CCSER1: variants seen among roughly 807,000 people sequenced by gnomAD.
CCSER1 encodes the protein serine-rich coiled-coil domain-containing protein 1.
In CCSER1, 41 loss-of-function variants were observed where a neutral mutation model predicts 82.0. That is an observed-to-expected ratio of 0.50 (90% confidence interval 0.39 to 0.65). The LOEUF (loss-of-function observed/expected upper bound fraction) is 0.65, where lower values mean the gene tolerates loss of function less well. CCSER1 is among the 30% of genes least tolerant of loss of function. The probability of loss-of-function intolerance (pLI) is 0.00; values close to 1 mark genes in which losing one functional copy is unlikely to be tolerated. For synonymous variants in CCSER1, 414 were observed against 383.9 expected, an observed-to-expected ratio of 1.08 and a Z score of -0.92; for missense variants, 1,119 against 1,064.2, an observed-to-expected ratio of 1.05 and a Z score of -0.72.
intron 3 of CCSER1, among the ~76,000 whole-genome samples, chr4:90,329,338 T>G (rs921119038): frequency 1.3e-5 from 2 of 152,148 alleles, no homozygotes; most frequent in Non-Finnish European, 2.9e-5. Context: ...TAATATAGTT[T>G]ATGTGAAAAG....
At chr4:91,529,258 G>T (rs1560740803) in intron 10 of CCSER1, among the ~76,000 whole-genome samples, 1 of 151,760 alleles carries the variant, frequency 6.6e-6, no homozygotes, top group African/African-American at 2.4e-5. Flanking sequence ...ATTATAGAGG[G>T]GCATTTATTT....
chr4:91,208,833 TC>T, intron 10 of CCSER1, among the ~76,000 whole-genome samples: 1 of 152,138 alleles, frequency 6.6e-6, no homozygotes, highest in East Asian at 1.9e-4. Flanking sequence ...TATTGATTCT[TC>T]CTATCAATGA....
intron 10 of CCSER1, among the ~76,000 whole-genome samples, chr4:91,437,647 G>A (rs1282692544): frequency 7.2e-5 from 11 of 152,288 alleles, no homozygotes; most frequent in South Asian, 2.1e-4. Flanking sequence ...TGGGTGCAGC[G>A]CACCCTGCGC....
chr4:91,290,887 C>A (rs1223621616), intron 10 of CCSER1, among the ~76,000 whole-genome samples: 12 of 151,716 alleles, frequency 7.9e-5, no homozygotes, highest in Non-Finnish European at 1.8e-4. Context: ...ATGTTGTGGG[C>A]TAATCCTAAA....
chr4:91,502,441 A>G lies in CCSER1; in HGVS notation c.2218-96131A>G, dbSNP rs565609262. Among the ~76,000 whole-genome samples, 23 of 152,304 alleles carry G rather than the reference A, an allele frequency of 1.5e-4. No homozygotes were observed. In the South Asian group the frequency reaches 1.9e-3, roughly 12 times the overall value. ...ATTAAATCAAACATATTCTTGGCAT[A>G]TAATAATAATATCATCAACAACAAG... On this transcript the variant is annotated intron_variant, in intron 10 of 10. Transcript: ENST00000509176.
At chr4:90,143,181 A>G (rs1376900382) in intron 1 of CCSER1, among the ~76,000 whole-genome samples, 2 of 152,108 alleles carry the variant, frequency 1.3e-5, no homozygotes, top group Admixed American at 6.5e-5. Context: ...TACTGCAAAC[A>G]TCAGTTCCAG....
chr4:90,623,707 T>C (rs1722775947), intron 5 of CCSER1, among the ~76,000 whole-genome samples: 1 of 152,148 alleles, frequency 6.6e-6, no homozygotes, highest in South Asian at 2.1e-4. Flanking sequence ...GGAAATACGA[T>C]GAAACATTCA....
intron 4 of CCSER1, among the ~76,000 whole-genome samples, chr4:90,414,099 A>T (rs1050633069): frequency 4.1e-5 from 6 of 147,660 alleles, no homozygotes; most frequent in Non-Finnish European, 6.0e-5. Flanking sequence ...TATTTTTATG[A>T]AAGCCAGGAA....
At chr4:91,179,513 T>G (rs773841333) in intron 10 of CCSER1, among the ~76,000 whole-genome samples, 1 of 152,188 alleles carries the variant, frequency 6.6e-6, no homozygotes, top group Non-Finnish European at 1.5e-5. Context: ...TTTTACTGTT[T>G]TTTCTCTAAA....
intron 10 of CCSER1, among the ~76,000 whole-genome samples, chr4:91,167,698 G>C (rs1356178568): frequency 6.6e-6 from 1 of 152,184 alleles, no homozygotes; most frequent in African/African-American, 2.4e-5. Context: ...TGAGGAAACT[G>C]TGGCTCAGGG....
At chr4:91,254,709 A>C (rs535741907) in intron 10 of CCSER1, among the ~76,000 whole-genome samples, 10 of 152,254 alleles carry the variant, frequency 6.6e-5, no homozygotes, top group African/African-American at 2.4e-4. Context: ...TGTCATGTGT[A>C]CCTTAACAGT....
At chr4:91,472,278 A>G (rs1757322714) in intron 10 of CCSER1, among the ~76,000 whole-genome samples, 1 of 152,200 alleles carries the variant, frequency 6.6e-6, no homozygotes, top group Non-Finnish European at 1.5e-5. Flanking sequence ...ACAAGCTTCC[A>G]AGACAGTTGT....
intron 10 of CCSER1, among the ~76,000 whole-genome samples, chr4:91,393,252 A>G (rs1751770391): frequency 6.6e-6 from 1 of 152,106 alleles, no homozygotes; most frequent in Non-Finnish European, 1.5e-5. Flanking sequence ...TCTCTCTAGG[A>G]TCTTAAGTTT....
intron 3 of CCSER1, among the ~76,000 whole-genome samples, chr4:90,393,977 G>A (rs906493085): frequency 1.3e-5 from 2 of 151,178 alleles, no homozygotes; most frequent in African/African-American, 2.4e-5. Flanking sequence ...GGGGGGTCTC[G>A]CTGTTTTGCC....
At chr4:91,414,098 A>C (rs1240903281) in intron 10 of CCSER1, among the ~76,000 whole-genome samples, 2 of 152,178 alleles carry the variant, frequency 1.3e-5, no homozygotes, top group East Asian at 3.8e-4. Flanking sequence ...CACTTAAGAA[A>C]ATATAAAACT....
chr4:90,637,401 C>T (rs1407585613), intron 6 of CCSER1, among the ~76,000 whole-genome samples: 1 of 152,138 alleles, frequency 6.6e-6, no homozygotes, highest in African/African-American at 2.4e-5. Context: ...TATACCATCA[C>T]TTTTGTCAAA....
At position 90,315,779 on chromosome 4, in the gene CCSER1, A is replaced by G. The variant is rs1454030982; in HGVS notation, c.1509+2732A>G. Among the ~76,000 whole-genome samples, 7 of 152,372 alleles carry G rather than the reference A, an allele frequency of 4.6e-5. No individual in the cohort carries two copies. The East Asian group carries it at 9.6e-4, about 21-fold the overall frequency. On this transcript the variant is annotated intron_variant, in intron 3 of 10. Coordinates refer to ENST00000509176, the MANE Select transcript of CCSER1 (RefSeq NM_001145065.2). ...TCACCTCCCAAAGTGCTGGGATTAC[A>G]GGTGTGAGTCACCGCACCTGAGCAG...
rs557661017 is a variant in CCSER1 at position 90,462,121 on chromosome 4, GAAATATTTACTGGTTCAGT to G, written c.1604-6095_1604-6077del. ...AAAAACTTTGTATAGGCACTAAAAA[GAAATATTTACTGGTTCAGT>G]AAATATTTACTGGTTCATTTTGGTA... On this transcript the variant is annotated intron_variant, in intron 4 of 10. Transcript: ENST00000509176. 1.1e-4 allele frequency among the ~76,000 whole-genome samples: 16 copies of G among 150,284 alleles called. No individual in the cohort carries two copies. The South Asian group carries it at 1.7e-3, about 16-fold the overall frequency.
At chr4:90,976,371 T>C (rs1735617450) in intron 9 of CCSER1, among the ~76,000 whole-genome samples, 1 of 151,298 alleles carries the variant, frequency 6.6e-6, no homozygotes, top group Non-Finnish European at 1.5e-5. Flanking sequence ...GATTTCTTTT[T>C]TGTATGTAAA....
Sources: gnomAD v4.1 joint callset for allele counts (sites outside exome capture counted in the v4.1 genomes callset) on GRCh38, gnomAD v4.1.1 for gene constraint, MANE v1.5 for transcripts, NCBI Gene and HGNC (gene_info 2026-07-23, HGNC 2026-07-21) for gene names.